Variants in KHDRBS3 observed in about 807,000 individuals in gnomAD.
KHDRBS3 encodes the protein KH domain-containing, RNA-binding, signal transduction-associated protein 3.
KHDRBS3 carries 23 observed loss-of-function variants against 45.6 expected under a neutral mutation model. The observed-to-expected ratio is 0.50, with a 90% CI of 0.36 to 0.72. The LOEUF (loss-of-function observed/expected upper bound fraction) is 0.72, where lower values mean the gene tolerates loss of function less well. Ranked by LOEUF, KHDRBS3 falls within the 30% of genes least tolerant of loss-of-function variation. The pLI, the probability that KHDRBS3 is intolerant of heterozygous loss-of-function variation, is 0.00. For synonymous variants in KHDRBS3, 162 were observed against 156.5 expected (o/e 1.04, Z -0.26); for missense variants, 352 against 424.8 (o/e 0.83, Z 1.51).
intron 7 of KHDRBS3, among the ~76,000 whole-genome samples, chr8:135,620,538 G>A (rs1002742235): frequency 7.2e-5 from 11 of 152,126 alleles, no homozygotes; most frequent in African/African-American, 2.7e-4. Flanking sequence ...AAAATGTAAA[G>A]GCTAACTTGT....
intron 1 of KHDRBS3, among the ~76,000 whole-genome samples, chr8:135,506,039 G>A (rs1823979587): frequency 6.6e-6 from 1 of 152,174 alleles, no homozygotes; most frequent in South Asian, 2.1e-4. Flanking sequence ...GGGTAGGTGT[G>A]GAGCTAAGAG....
chr8:135,523,970 A>G (rs1825046524), intron 2 of KHDRBS3, among the ~76,000 whole-genome samples: 1 of 152,152 alleles, frequency 6.6e-6, no homozygotes, highest in South Asian at 2.1e-4. Flanking sequence ...TCTGTTTTAT[A>G]TAGTGCTGGA....
At chr8:135,514,566 A>T (rs1409508451) in intron 1 of KHDRBS3, among the ~76,000 whole-genome samples, 1 of 152,214 alleles carries the variant, frequency 6.6e-6, no homozygotes, top group African/African-American at 2.4e-5. Flanking sequence ...GGGGAAGGGA[A>T]AATGGGGAGT....
chr8:135,627,575 A>T (rs997598662), intron 7 of KHDRBS3, among the ~76,000 whole-genome samples: 1 of 152,360 alleles, frequency 6.6e-6, no homozygotes, highest in Admixed American at 6.5e-5. Context: ...TTAACATACA[A>T]ATTAGGGATT....
chr8:135,515,365 TAAAAAAAAAAAAAAAAAAAAAAAAAA>T (rs59502823), intron 1 of KHDRBS3, among the ~76,000 whole-genome samples: 1 of 39,716 alleles, frequency 2.5e-5, no homozygotes, highest in Non-Finnish European at 4.8e-5. Flanking sequence ...GACTCCGTCT[TAAAAAAAAAAAAAAAAAAAAAAAAAA>T]AAAAAAAAAA....
intron 2 of KHDRBS3, among the ~76,000 whole-genome samples, chr8:135,534,174 TTATC>T (rs1167075752): frequency 2.9e-4 from 44 of 152,310 alleles, no homozygotes; most frequent in South Asian, 2.1e-4. Flanking sequence ...TTTACATTGT[TTATC>T]TAATACTAAT....
intron 7 of KHDRBS3, among the ~76,000 whole-genome samples, chr8:135,631,120 G>A (rs180882354): frequency 7.0e-4 from 106 of 151,970 alleles, no homozygotes; most frequent in African/African-American, 2.4e-3. Context: ...GTGTGATGAC[G>A]TGCACCTGTA....
intron 1 of KHDRBS3, among the ~76,000 whole-genome samples, chr8:135,468,458 G>T (rs113472112): frequency 1.3e-4 from 20 of 152,294 alleles, no homozygotes; most frequent in Middle Eastern, 3.4e-3. Context: ...GTCTTTATGC[G>T]AAACTCTACG....
intron 6 of KHDRBS3, among the ~76,000 whole-genome samples, chr8:135,596,409 A>G (rs548517755): frequency 2.0e-5 from 3 of 152,296 alleles, no homozygotes; most frequent in South Asian, 4.1e-4. Context: ...TGGCTGTGGA[A>G]TGGATCCCAG....
chr8:135,592,128 G>A (rs1828772445), intron 6 of KHDRBS3, among the ~76,000 whole-genome samples: 1 of 152,072 alleles, frequency 6.6e-6, no homozygotes, highest in Admixed American at 6.5e-5. Context: ...GTCTTATCAG[G>A]AGCTTCACAA....
chr8:135,505,168 C>A (rs780702011), intron 1 of KHDRBS3, among the ~76,000 whole-genome samples: 2 of 152,106 alleles, frequency 1.3e-5, no homozygotes, highest in East Asian at 3.8e-4. Flanking sequence ...GTAGAGGGAA[C>A]AAATTAGAAA....
At position 135,598,686 on chromosome 8, in the gene KHDRBS3, A is replaced by G. The variant is rs184513097; in HGVS notation, c.808-8269A>G. Among the ~76,000 whole-genome samples, 72 of 152,340 alleles carry G rather than the reference A, an allele frequency of 4.7e-4. No individual in the cohort carries two copies. The East Asian group carries it at 0.011, about 23-fold the overall frequency. On this transcript the variant is annotated intron_variant, in intron 6 of 8. Coordinates refer to ENST00000355849, the MANE Select transcript of KHDRBS3 (RefSeq NM_006558.3). The stretch of plus-strand genomic sequence containing the variant: ...GGCTTTGTGATATGCTCATAGTCTA[A>G]TGAGTCTCAGAGGTGACACTGCATC...
intron 1 of KHDRBS3, among the ~76,000 whole-genome samples, chr8:135,473,302 A>G (rs1359164392): frequency 2.0e-5 from 3 of 152,114 alleles, no homozygotes; most frequent in African/African-American, 7.2e-5. Flanking sequence ...CACACTTTCC[A>G]TTTAGACGAC....
chr8:135,538,190 T>C (rs2130752593), intron 2 of KHDRBS3, among the ~76,000 whole-genome samples: 1 of 152,252 alleles, frequency 6.6e-6, no homozygotes, highest in South Asian at 2.1e-4. Context: ...GCTTGGCCTG[T>C]TTTCCAAAGG....
At chr8:135,610,049 A>G (rs1447001815) in intron 7 of KHDRBS3, among the ~76,000 whole-genome samples, 1 of 151,908 alleles carries the variant, frequency 6.6e-6, no homozygotes, top group Non-Finnish European at 1.5e-5. Flanking sequence ...TTTATGAAGT[A>G]TATTTACAAT....
intron 1 of KHDRBS3, among the ~76,000 whole-genome samples, chr8:135,505,085 G>A (rs1437697083): frequency 6.6e-6 from 1 of 152,156 alleles, no homozygotes. Flanking sequence ...TTTCTTTAGG[G>A]CCTTATTAAC....
chr8:135,464,661 A>G (rs1256893160), intron 1 of KHDRBS3, among the ~76,000 whole-genome samples: 1 of 152,226 alleles, frequency 6.6e-6, no homozygotes, highest in Non-Finnish European at 1.5e-5. Flanking sequence ...GTTGCTAATG[A>G]TAGTAGCTAC....
In KHDRBS3 at chr8:135,457,477, G is replaced by A. The variant is rs1228238776; in HGVS notation, c.-390G>A. 6.8e-6 allele frequency: 1 copy of A among 147,300 alleles called. No individual in the cohort carries two copies. Among genetic ancestry groups the A allele is most frequent in the Non-Finnish European group, 1.5e-5 (1 of 66,354 alleles). The allele number at this position is 147,300 out of a possible 1,614,324, so 9.1% of individuals were successfully genotyped here. Reference sequence around the variant, plus strand: ...GCTCAGAGTGCGCGGGGCGGCGCGCGGCGTGCAGGTCGCAGCTGTGGCTCG... The same window carrying A: ...GCTCAGAGTGCGCGGGGCGGCGCGCAGCGTGCAGGTCGCAGCTGTGGCTCG... On this transcript the variant is annotated 5_prime_UTR_variant, in exon 1 of 9. Transcript: ENST00000355849. The surrounding 1 kb of genome is among the most constrained non-coding windows in gnomAD (Gnocchi z 4.4).
chr8:135,654,566 G>A (rs915009106), intron 4 of KHDRBS3, among the ~76,000 whole-genome samples: 5 of 152,186 alleles, frequency 3.3e-5, no homozygotes, highest in African/African-American at 7.2e-5. Context: ...GTGATTTAGC[G>A]AAGAGATGCA....
Sources: gnomAD v4.1 joint callset for allele counts (sites outside exome capture counted in the v4.1 genomes callset) on GRCh38, gnomAD v4.1.1 for gene constraint, Gnocchi (gnomAD v3.1) non-coding constraint, MANE v1.5 for transcripts, NCBI Gene and HGNC (gene_info 2026-07-23, HGNC 2026-07-21) for gene names.